The following MYZAP variants were observed in gnomAD, a reference collection of about 807,000 sequenced individuals.
The protein encoded by MYZAP is myocardial zonula adherens protein, also known as GRINL1A complex locus upstream.
Under a neutral mutation model 69.4 loss-of-function variants are expected in MYZAP, and 66 were observed. The ratio of observed to expected loss-of-function variants is 0.95; its 90% CI spans 0.78 to 1.17. MYZAP has a LOEUF of 1.17. Ranked by LOEUF, MYZAP falls within the 50% of genes most tolerant of loss-of-function variation. MYZAP has a pLI of 0.00. For synonymous variants in MYZAP, 256 were observed against 205.9 expected (o/e 1.24, Z -2.09); for missense variants, 611 against 556.2 (o/e 1.10, Z -0.99).
chr15:57,675,308 A>G (rs1438683904), intron 12 of MYZAP, among the ~76,000 whole-genome samples: 2 of 152,128 alleles, frequency 1.3e-5, no homozygotes, highest in African/African-American at 4.8e-5. Flanking sequence ...GGGCCCTGTC[A>G]GTGAGTGAAT....
intron 1 of MYZAP, among the ~76,000 whole-genome samples, chr15:57,596,894 G>A (rs1384248660): frequency 6.6e-6 from 1 of 152,160 alleles, no homozygotes; most frequent in East Asian, 1.9e-4. Context: ...TTCCCCTAGA[G>A]GCCTGTGCAT....
rs185025366 is a variant in MYZAP, at chr15:57,653,966, C to T, written c.1120-7484C>T. Among the ~76,000 whole-genome samples the T allele has an allele frequency of 4.8e-3, 559 of 115,428 alleles. 4 individuals are homozygous for T. The highest frequency in any genetic ancestry group is 0.013 in the Admixed American group (97 of 7,576). 75.7% of individuals were successfully genotyped at this position (115,428 alleles called of 152,430 possible). ...GCTGCCGTGAGCTATGATTGTAGCA[C>T]TATGCTACAGCCTGGGTTACAGAGG... On this transcript the variant is annotated intron_variant, in intron 10 of 12. Coordinates refer to ENST00000267853, the MANE Select transcript of MYZAP (RefSeq NM_001018100.5).
At position 57,621,614 on chromosome 15, in the gene MYZAP, G is replaced by T; in HGVS notation, c.325G>T (p.Ala109Ser). 6.2e-7 allele frequency: 1 copy of T among 1,613,592 alleles called. No homozygotes were observed. Among genetic ancestry groups the T allele is most frequent in the Non-Finnish European group, 8.5e-7 (1 of 1,179,654 alleles). The change falls in exon 4 of 13, where the codon GCC (alanine) becomes TCC (serine). Residue 109 changes from alanine to serine, a missense_variant. Coordinates refer to ENST00000267853, the MANE Select transcript of MYZAP (RefSeq NM_001018100.5). ...GTATCTTTGTGGGCTACAGGTGAGA[G>T]CCACTTTGGAAAAGGTGAGAAAGCG... ...EEMNYIKDVR[A>S]TLEKVRKRMY...
intron 6 of MYZAP, among the ~76,000 whole-genome samples, chr15:57,630,309 T>C (rs1293742989): frequency 6.6e-6 from 1 of 151,520 alleles, no homozygotes; most frequent in East Asian, 1.9e-4. Context: ...TGGGCATGCC[T>C]TTCTTGGCCT....
Position 57,654,002 on chromosome 15 carries a change from C to CAAAAAAAAAAAAAAAA in MYZAP, c.1120-7433_1120-7418dup, listed in dbSNP as rs398043344. On this transcript the variant is annotated intron_variant, in intron 10 of 12. Transcript: ENST00000267853. The stretch of plus-strand genomic sequence containing the variant: ...CCTGGGTTACAGAGGCAAACGCTGT[C>CAAAAAAAAAAAAAAAA]AAAAAAAAAAAAAAAAAAAAAAAAA... Among the ~76,000 whole-genome samples the CAAAAAAAAAAAAAAAA allele has an allele frequency of 1.1e-4, 4 of 36,084 alleles. 1 individual carries two copies. Among genetic ancestry groups the CAAAAAAAAAAAAAAAA allele is most frequent in the Non-Finnish European group, 1.7e-4 (4 of 23,426 alleles). 23.7% of individuals were successfully genotyped at this position (36,084 alleles called of 152,430 possible). A position where few individuals can be genotyped will look rare whatever the true frequency, so the allele number is the denominator to read the frequency against.
At chr15:57,617,683 A>G (rs937579750) in intron 2 of MYZAP, among the ~76,000 whole-genome samples, 2 of 152,188 alleles carry the variant, frequency 1.3e-5, no homozygotes, top group Non-Finnish European at 2.9e-5. Context: ...AGCTGGGATA[A>G]GGGGAAAGAC....
At chr15:57,673,463 C>CGT (rs3051249) in intron 11 of MYZAP, among the ~76,000 whole-genome samples, 12,386 of 102,402 alleles carry the variant, frequency 0.12, 862 homozygotes, top group Non-Finnish European at 0.15. Flanking sequence ...TGCGTGCATG[C>CGT]GTGTGTGTGT....
At chr15:57,660,926 T>C (rs780307386) in intron 10 of MYZAP, among the ~76,000 whole-genome samples, 8 of 152,226 alleles carry the variant, frequency 5.3e-5, no homozygotes, top group African/African-American at 9.6e-5. Flanking sequence ...TTCAACACTT[T>C]TAATGAGACT....
rs139140807 is a variant in MYZAP at position 57,635,270 on chromosome 15, G to A, written c.933+1529G>A. ...TGAGCAATAAATGAGAAAAATCCAC[G>A]CCAAGTGCTAAGCATGGTTCCTCGT... On this transcript the variant is annotated intron_variant, in intron 8 of 12. Coordinates refer to ENST00000267853, the MANE Select transcript of MYZAP (RefSeq NM_001018100.5). 3.0e-4 allele frequency among the ~76,000 whole-genome samples: 45 copies of A among 152,258 alleles called. No homozygotes were observed. In the East Asian group the frequency reaches 5.0e-3, roughly 17 times the overall value.
At chr15:57,649,371 G>T (rs550664572) in intron 10 of MYZAP, among the ~76,000 whole-genome samples, 1 of 152,282 alleles carries the variant, frequency 6.6e-6, no homozygotes, top group South Asian at 2.1e-4. Context: ...GCACTGTGTG[G>T]ACTATAATTT....
In MYZAP at chr15:57,674,954, T is replaced by G. The variant is rs770168590; in HGVS notation, c.1204-14T>G. 8.7e-6 allele frequency: 14 copies of G among 1,604,068 alleles called. No homozygotes were observed. Among genetic ancestry groups the G allele is most frequent in the African/African-American group, 1.3e-5 (1 of 74,486 alleles). Reference sequence around the variant, plus strand: ...ATTTGACTTACTGAAAGTACCTTTTTTTCTCATCTCCAGAATAATGAACTA... The same window carrying G: ...ATTTGACTTACTGAAAGTACCTTTTGTTCTCATCTCCAGAATAATGAACTA... On this transcript the variant is annotated splice_polypyrimidine_tract_variant and intron_variant, in intron 11 of 12. Coordinates refer to ENST00000267853, the MANE Select transcript of MYZAP (RefSeq NM_001018100.5).
intron 10 of MYZAP, among the ~76,000 whole-genome samples, chr15:57,653,968 A>G (rs1162787458): frequency 3.1e-5 from 4 of 127,466 alleles, no homozygotes; most frequent in East Asian, 2.7e-4. Flanking sequence ...TTGTAGCACT[A>G]TGCTACAGCC....
At chr15:57,608,380 C>T (rs1294726099) in intron 2 of MYZAP, among the ~76,000 whole-genome samples, 1 of 152,200 alleles carries the variant, frequency 6.6e-6, no homozygotes, top group Non-Finnish European at 1.5e-5. Flanking sequence ...TTGCCCATTT[C>T]CACAAAGGTG....
intron 12 of MYZAP, among the ~76,000 whole-genome samples, chr15:57,679,772 CTG>C (rs2039338192): frequency 6.6e-6 from 1 of 152,226 alleles, no homozygotes; most frequent in African/African-American, 2.4e-5. Context: ...CCTCTCCCCT[CTG>C]TGGCTGAGCC....
chr15:57,592,531 T>C (rs1412100362), intron 1 of MYZAP, among the ~76,000 whole-genome samples: 2 of 152,134 alleles, frequency 1.3e-5, no homozygotes, highest in African/African-American at 4.8e-5. Flanking sequence ...AGTGATAGGG[T>C]ATCCACTAGT....
chr15:57,616,211 G>T (rs572017315), intron 2 of MYZAP, among the ~76,000 whole-genome samples: 11 of 152,186 alleles, frequency 7.2e-5, no homozygotes, highest in Non-Finnish European at 1.5e-4. Context: ...TTAAAGTTTT[G>T]TGTGTTAAAA....
chr15:57,636,164 G>A (rs563205723), intron 8 of MYZAP, among the ~76,000 whole-genome samples: 6 of 151,602 alleles, frequency 4.0e-5, no homozygotes, highest in Admixed American at 6.6e-5. Flanking sequence ...TTGGAGGGAG[G>A]CATTCACTTG....
intron 12 of MYZAP, among the ~76,000 whole-genome samples, chr15:57,679,005 C>T (rs76620381): frequency 2.6e-5 from 4 of 151,914 alleles, no homozygotes; most frequent in Non-Finnish European, 4.4e-5. Flanking sequence ...GGAGAAACCC[C>T]GTCTCTACTA....
Position 57,632,487 on chromosome 15 carries a change from G to A in MYZAP, c.732G>A (p.Lys244=), listed in dbSNP as rs367795892. Reference sequence around the variant, plus strand: ...AGGTGATGCGAGAGATGACCAAGAAGCTGTACAGCCAGTATGAGGAGAAGC... The same window carrying A: ...AGGTGATGCGAGAGATGACCAAGAAACTGTACAGCCAGTATGAGGAGAAGC... ...NAEVMREMTK[K]LYSQYEEKLQ... is the part of the protein sequence containing the mutation. The change falls in exon 7 of 13, where the codon AAG becomes AAA. Residue 244 remains lysine, a synonymous_variant. Coordinates refer to ENST00000267853, the MANE Select transcript of MYZAP (RefSeq NM_001018100.5). The A allele has an allele frequency of 1.9e-6, 3 of 1,614,226 alleles. No individual in the cohort carries two copies. The highest frequency in any genetic ancestry group is 1.7e-6 in the Non-Finnish European group (2 of 1,180,038).
Sources: allele counts gnomAD v4.1 joint callset (sites outside exome capture counted in the v4.1 genomes callset), GRCh38; gene constraint gnomAD v4.1.1; transcripts MANE v1.5; gene names NCBI Gene and HGNC (gene_info 2026-07-23, HGNC 2026-07-21).